The following EFL1 variants were observed in gnomAD, a reference collection of about 807,000 sequenced individuals.
EFL1 encodes elongation factor-like GTPase 1.
Under a neutral mutation model 126.7 loss-of-function variants are expected in EFL1, and 76 were observed. That is an observed-to-expected ratio of 0.60 (90% CI 0.50 to 0.73). The LOEUF (loss-of-function observed/expected upper bound fraction) is 0.73. Among genes scored for constraint, EFL1 ranks in the 30% least tolerant of loss-of-function variants. The pLI, the probability that EFL1 is intolerant of heterozygous loss-of-function variation, is 0.00. For missense variants in EFL1, 1,128 were observed against 1,343.2 expected (o/e 0.84, Z 2.50); for synonymous variants, 410 against 448.4 (o/e 0.91, Z 1.08).
intron 14 of EFL1, 39 bp from the exon 15 acceptor site, chr15:82,214,894 A>G (rs1426429735): frequency 1.3e-6 from 2 of 1,578,990 alleles, no homozygotes; most frequent in Admixed American, 1.9e-5. Context: ...GTTAGGAGGC[A>G]TTTGGAAGCA....
intron 15 of EFL1, among the ~76,000 whole-genome samples, chr15:82,172,766 T>G (rs879843260): frequency 6.6e-6 from 1 of 152,216 alleles, no homozygotes; most frequent in Non-Finnish European, 1.5e-5. Context: ...AAGCTTCATC[T>G]GTGACTGTCA....
intron 18 of EFL1, among the ~76,000 whole-genome samples, chr15:82,146,875 C>T (rs181658191): frequency 6.6e-6 from 1 of 152,168 alleles, no homozygotes. Context: ...AGAGAGGTGA[C>T]AAAGAACCCT....
chr15:82,130,524 T>C lies in EFL1; in HGVS notation c.3212A>G (p.Glu1071Gly). 1 of 1,614,174 alleles carries C rather than the reference T, an allele frequency of 6.2e-7. No individual in the cohort carries two copies. The change falls in exon 20 of 20, where the codon GAG (glutamate) becomes GGG (glycine). Residue 1071 changes from glutamate to glycine, a missense_variant. Physicochemically the swap from Glu to Gly is moderately conservative, Grantham distance 98. Around this residue, in one of 6 missense-constraint regions of EFL1, gnomAD observed 561 missense variants for 641.7 expected, o/e 0.87. Coordinates refer to ENST00000268206, the MANE Select transcript of EFL1 (RefSeq NM_024580.6). ...CTCCCCAAAGTGCAAGTATTCCTCC[T>C]CAGTAGTTGGCACCCAGAAGGGGTC... ...PSDPFWVPTT[E>G]EEYLHFGEKA... is the part of the protein sequence containing the mutation.
intron 17 of EFL1, among the ~76,000 whole-genome samples, 164 bp from the exon 18 acceptor site, chr15:82,152,587 T>G (rs1205801110): frequency 2.6e-5 from 4 of 152,160 alleles, no homozygotes; most frequent in Non-Finnish European, 5.9e-5. Context: ...ATTCAAAAAC[T>G]GCTTTCTTTC....
chr15:82,137,357 A>T (rs1238826907), intron 19 of EFL1, among the ~76,000 whole-genome samples: 1 of 152,226 alleles, frequency 6.6e-6, no homozygotes, highest in Non-Finnish European at 1.5e-5. Context: ...GTTCTGCTGA[A>T]ATAGAGTTTA....
At chr15:82,221,744 C>A (rs185148281) in intron 12 of EFL1, among the ~76,000 whole-genome samples, 1 of 152,348 alleles carries the variant, frequency 6.6e-6, no homozygotes, top group Admixed American at 6.5e-5. Context: ...TAGGGGGCCA[C>A]ACTACCACTG....
At chr15:82,237,746 G>GAAAA (rs201310269) in intron 7 of EFL1, among the ~76,000 whole-genome samples, 1 of 137,174 alleles carries the variant, frequency 7.3e-6, no homozygotes. Context: ...GCCCAAAAAG[G>GAAAA]AAAAAAAAAA....
At chr15:82,229,155 G>C in intron 8 of EFL1, 45 bp from the exon 9 acceptor site, 1 of 1,430,738 alleles carries the variant, frequency 7.0e-7, no homozygotes, top group Non-Finnish European at 9.6e-7. Context: ...ACATTTAATA[G>C]GCATTTATAT....
chr15:82,218,591 T>C (rs1846909), intron 14 of EFL1, among the ~76,000 whole-genome samples: 152,358 of 152,360 alleles, frequency 1, 76,178 homozygotes, highest in Non-Finnish European at 1. Context: ...TACTGATAAA[T>C]AGCAAACTAT....
At chr15:82,223,705 C>A (rs1043316295) in intron 12 of EFL1, among the ~76,000 whole-genome samples, 2 of 152,210 alleles carry the variant, frequency 1.3e-5, no homozygotes, top group Non-Finnish European at 2.9e-5. Context: ...CAATATCCTA[C>A]ATTTGTTACT....
chr15:82,138,197 C>T (rs987088598), intron 19 of EFL1, among the ~76,000 whole-genome samples: 2 of 152,096 alleles, frequency 1.3e-5, no homozygotes, highest in Admixed American at 6.6e-5. Context: ...ATATACAGTA[C>T]ATAATAATTT....
intron 10 of EFL1, 71 bp from the exon 11 acceptor site, chr15:82,227,643 C>G: frequency 6.3e-7 from 1 of 1,599,668 alleles, no homozygotes; most frequent in African/African-American, 1.3e-5. Context: ...TCACTGTATG[C>G]ACTAAATATT....
intron 5 of EFL1, among the ~76,000 whole-genome samples, chr15:82,240,969 G>A (rs147488003): frequency 2.5e-4 from 38 of 152,300 alleles, no homozygotes; most frequent in African/African-American, 9.1e-4. Flanking sequence ...AAAATCACTT[G>A]AACCCAGGAG....
chr15:82,130,629 T>C (rs745916854), intron 19 of EFL1, 68 bp from the exon 20 acceptor site: 1 of 1,528,230 alleles, frequency 6.5e-7, no homozygotes, highest in Non-Finnish European at 8.9e-7. Context: ...TTCACTGAGC[T>C]CCCCAATTTA....
chr15:82,149,887 T>C (rs1012777565), intron 18 of EFL1, among the ~76,000 whole-genome samples: 3 of 152,312 alleles, frequency 2.0e-5, no homozygotes, highest in African/African-American at 7.2e-5. Flanking sequence ...AGTGGTGGTA[T>C]AAGCATTTGT....
At chr15:82,228,861 G>A (rs1329936831) in intron 9 of EFL1, among the ~76,000 whole-genome samples, 173 bp downstream of exon 9, 1 of 152,096 alleles carries the variant, frequency 6.6e-6, no homozygotes, top group Non-Finnish European at 1.5e-5. Context: ...CCCTTTAGCT[G>A]GGTTACATAG....
At chr15:82,201,753 C>T (rs1272668239) in intron 15 of EFL1, among the ~76,000 whole-genome samples, 1 of 145,648 alleles carries the variant, frequency 6.9e-6, no homozygotes, top group Non-Finnish European at 1.5e-5. Context: ...CTACCCCACA[C>T]AGCTAATGGC....
intron 5 of EFL1, 106 bp from the exon 6 acceptor site, chr15:82,240,661 G>A: frequency 3.0e-6 from 4 of 1,327,662 alleles, no homozygotes; most frequent in Non-Finnish European, 4.1e-6. Flanking sequence ...GTCAGACAAA[G>A]GTATTCATTA....
intron 15 of EFL1, among the ~76,000 whole-genome samples, chr15:82,180,359 CAAAAAAAAAAAAACA>C (rs1323387362): frequency 1.8e-4 from 22 of 120,608 alleles, no homozygotes; most frequent in South Asian, 8.6e-4. Flanking sequence ...ATTAAACTGG[CAAAAAAAAAAAAACA>C]AAAAAAAAAC....
Sources: gnomAD v4.1 joint callset for allele counts (sites outside exome capture counted in the v4.1 genomes callset) on GRCh38, gnomAD v4.1.1 for gene constraint, gnomAD v4.1.1 regional missense constraint, MANE v1.5 for transcripts, NCBI Gene and HGNC (gene_info 2026-07-23, HGNC 2026-07-21) for gene names.